EPN1: variants seen among roughly 807,000 people sequenced by gnomAD.
EPN1 encodes epsin-1.
Under a neutral mutation model 56.9 loss-of-function variants are expected in EPN1, and 25 were observed. The ratio of observed to expected loss-of-function variants is 0.44; its 90% CI spans 0.32 to 0.61. The LOEUF (loss-of-function observed/expected upper bound fraction) is 0.61. EPN1 is among the 20% of genes least tolerant of loss of function. EPN1 has a pLI of 0.05. For synonymous variants in EPN1, 411 were observed against 361.8 expected, an observed-to-expected ratio of 1.14 and a Z score of -1.54; for missense variants, 785 against 823.7, an observed-to-expected ratio of 0.95 and a Z score of 0.58.
intron 2 of EPN1, among the ~76,000 whole-genome samples, chr19:55,679,183 A>G (rs1047859519): frequency 2.6e-5 from 4 of 152,062 alleles, no homozygotes; most frequent in Non-Finnish European, 5.9e-5. Context: ...TCTGGGCCCC[A>G]TCTATGAATG....
At position 55,692,696 on chromosome 19, in the gene EPN1, G is replaced by A. The variant is rs776850200; in HGVS notation, c.1077G>A (p.Pro359=). 23 of 1,544,842 alleles carry A rather than the reference G, an allele frequency of 1.5e-5. No individual in the cohort carries two copies. The highest frequency in any genetic ancestry group is 1.2e-4 in the East Asian group (5 of 41,118). Residue 359 remains proline, a synonymous_variant, in exon 8 of 11, where the codon CCG becomes CCA. Transcript: ENST00000270460. ...DPWGSSDGGV[P]VSGPSASDPW... is the part of the protein sequence containing the mutation. ...TCTGTCCTCACCCAGGTGGGGTCCCGGTCAGTGGGCCCTCAGCCTCCGATC... is the reference window on the plus strand; with the variant it reads ...TCTGTCCTCACCCAGGTGGGGTCCCAGTCAGTGGGCCCTCAGCCTCCGATC...
intron 1 of EPN1, chr19:55,677,426 CG>C: frequency 1.5e-6 from 1 of 675,786 alleles, no homozygotes; most frequent in South Asian, 1.9e-5. Context: ...TCACCAGTCT[CG>C]GGATGGGTTA....
intron 3 of EPN1, among the ~76,000 whole-genome samples, chr19:55,686,324 G>A (rs375527424): frequency 1.3e-5 from 2 of 152,234 alleles, no homozygotes; most frequent in South Asian, 2.1e-4. Flanking sequence ...CCGTGAAGAG[G>A]CTAGTCCGGC....
At position 55,698,342 on chromosome 19, in the gene EPN1, C is replaced by T. The variant is rs1197136608; in HGVS notation, c.*2986C>T. 1 of 152,208 alleles carries T rather than the reference C, an allele frequency of 6.6e-6. No individual in the cohort carries two copies. The highest frequency in any genetic ancestry group is 1.5e-5 in the Non-Finnish European group (1 of 68,142). The allele number at this position is 152,208 out of a possible 1,614,324, so 9.4% of individuals were successfully genotyped here. A position where few individuals can be genotyped will look rare whatever the true frequency, so the allele number is the denominator to read the frequency against. On this transcript the variant is annotated 3_prime_UTR_variant, in exon 11 of 11. Coordinates refer to ENST00000270460, the MANE Select transcript of EPN1 (RefSeq NM_001130072.2). ...AGTGGAAAAAACCCCAGAATTTCTC[C>T]CTGGGACAGGTGAAGCGATGGGGCG...
intron 2 of EPN1, among the ~76,000 whole-genome samples, chr19:55,681,514 G>T (rs1279391864): frequency 2.0e-5 from 3 of 152,208 alleles, no homozygotes; most frequent in Non-Finnish European, 2.9e-5. Flanking sequence ...CCCACTCACA[G>T]CCTGTGTTTG....
intron 3 of EPN1, among the ~76,000 whole-genome samples, chr19:55,687,009 G>A (rs963625770): frequency 2.0e-5 from 3 of 152,114 alleles, no homozygotes; most frequent in South Asian, 2.1e-4. Flanking sequence ...GGCCCCGTCC[G>A]CTGGCGGTTG....
At chr19:55,683,216 T>C (rs532006160) in intron 2 of EPN1, among the ~76,000 whole-genome samples, 2 of 151,466 alleles carry the variant, frequency 1.3e-5, no homozygotes, top group East Asian at 3.9e-4. Flanking sequence ...CCACAATGCC[T>C]GGCTAATTTT....
chr19:55,694,992 G>A lies in EPN1; in HGVS notation c.1522+9G>A. The A allele has an allele frequency of 6.4e-7, 1 of 1,558,046 alleles. No individual in the cohort carries two copies. The highest frequency in any genetic ancestry group is 8.7e-7 in the Non-Finnish European group (1 of 1,152,940). On this transcript the variant is annotated intron_variant, in intron 10 of 10. Coordinates refer to ENST00000270460, the MANE Select transcript of EPN1 (RefSeq NM_001130072.2). The surrounding 1 kb of genome is among the most constrained non-coding windows in gnomAD (Gnocchi z 4.2). ...CCCCTTCCTGCCAGGCGGTGAGTGTGGGCCCATCACCTGCTCAAGTCCTTC... is the reference window on the plus strand; with the variant it reads ...CCCCTTCCTGCCAGGCGGTGAGTGTAGGCCCATCACCTGCTCAAGTCCTTC...
At chr19:55,692,455 C>T (rs1056904785) in intron 7 of EPN1, among the ~76,000 whole-genome samples, 3 of 151,456 alleles carry the variant, frequency 2.0e-5, no homozygotes, top group African/African-American at 4.9e-5. Context: ...CTGGGCAGGT[C>T]TGGCAGAGGC....
chr19:55,689,355 G>C lies in EPN1; in HGVS notation c.662G>C (p.Arg221Pro). The change falls in exon 5 of 11, where the codon CGA becomes CCA. Residue 221 changes from arginine (R) to proline (P), a missense_variant. This residue lies in a region of EPN1 where 650 missense variants were observed against 605.0 expected (regional missense o/e 1.07). Transcript: ENST00000270460. The surrounding 1 kb of genome is among the most constrained non-coding windows in gnomAD (Gnocchi z 5.7). ...AQLQLALSLS[R>P]EEHDKEERIR... The stretch of plus-strand genomic sequence containing the variant: ...CTCCAGCTGGCCCTTAGTTTGAGCC[G>C]AGAAGAGCATGATAAGGTCAGAGCA... The C allele has an allele frequency of 6.4e-7, 1 of 1,551,810 alleles. No individual in the cohort carries two copies. Among genetic ancestry groups the C allele is most frequent in the Non-Finnish European group, 8.7e-7 (1 of 1,146,974 alleles).
chr19:55,677,796 C>T lies in EPN1; in HGVS notation c.-101-731C>T, dbSNP rs568593622. On this transcript the variant is annotated intron_variant, in intron 1 of 10. Coordinates refer to ENST00000270460, the MANE Select transcript of EPN1 (RefSeq NM_001130072.2). ...TCATCAGCCTTCTTTCCCATGTGTC[C>T]TTGTTTCTGCTGTGGATTCCTGCCC... is the stretch of plus-strand genomic sequence containing the variant. The T allele has an allele frequency of 2.1e-6, 3 of 1,439,948 alleles. No individual in the cohort carries two copies. In the East Asian group the frequency reaches 7.9e-5, roughly 38 times the overall value. 89.2% of individuals were successfully genotyped at this position (1,439,948 alleles called of 1,614,324 possible).
intron 2 of EPN1, among the ~76,000 whole-genome samples, chr19:55,682,308 A>C (rs1985868903): frequency 6.6e-6 from 1 of 152,338 alleles, no homozygotes; most frequent in South Asian, 2.1e-4. Context: ...TCTGTCTGCC[A>C]AGACTGTTCT....
Position 55,689,859 on chromosome 19 carries a change from C to T in EPN1, c.679-8C>T, listed in dbSNP as rs1330556508. The T allele has an allele frequency of 6.3e-7, 1 of 1,597,052 alleles. No homozygotes were observed. Among genetic ancestry groups the T allele is most frequent in the Non-Finnish European group, 8.5e-7 (1 of 1,172,356 alleles). On this transcript the variant is annotated splice_region_variant and splice_polypyrimidine_tract_variant and intron_variant, in intron 5 of 10. Coordinates refer to ENST00000270460, the MANE Select transcript of EPN1 (RefSeq NM_001130072.2). The surrounding 1 kb of genome is among the most constrained non-coding windows in gnomAD (Gnocchi z 5.7). ...CATGTCTCCCTGGTCGTGCCCGTGC[C>T]CCAACAGGAGGAGCGGATCCGTCGC...
intron 2 of EPN1, chr19:55,680,919 A>T (rs976528754): frequency 3.3e-5 from 5 of 152,568 alleles, no homozygotes; most frequent in African/African-American, 9.6e-5. Context: ...CCTTCGCCAC[A>T]TGGTCTCATC....
intron 3 of EPN1, 121 bp from the exon 4 acceptor site, chr19:55,688,749 T>G: frequency 3.6e-6 from 5 of 1,402,268 alleles, no homozygotes; most frequent in Non-Finnish European, 4.8e-6. Context: ...CTGCAGAGGT[T>G]GTAGGGTGGG....
chr19:55,687,781 C>A (rs1185420648), intron 3 of EPN1, among the ~76,000 whole-genome samples: 1 of 152,180 alleles, frequency 6.6e-6, no homozygotes, highest in Admixed American at 6.5e-5. Context: ...CCCTTCGGCC[C>A]CGCTCTGCCA....
At position 55,709,206 on chromosome 19, in the gene EPN1, G is replaced by C; in HGVS notation, c.*13850G>C. The C allele has an allele frequency of 2.1e-6, 1 of 480,950 alleles. No homozygotes were observed. Among genetic ancestry groups the C allele is most frequent in the Non-Finnish European group, 3.5e-6 (1 of 281,912 alleles). The allele number at this position is 480,950 out of a possible 1,614,324, so 29.8% of individuals were successfully genotyped here. On this transcript the variant is annotated 3_prime_UTR_variant, in exon 11 of 11. Transcript: ENST00000270460. ...AAAACAAGCATGAATCTTTCCTATA[G>C]GATAGGAAGCCTCTGATTTATACCA...
Position 55,689,375 on chromosome 19 carries a change from A to C in EPN1, c.678+4A>C. On this transcript the variant is annotated splice_donor_region_variant and intron_variant, in intron 5 of 10. Transcript: ENST00000270460. The surrounding 1 kb of genome is among the most constrained non-coding windows in gnomAD (Gnocchi z 5.7). ...GAGCCGAGAAGAGCATGATAAGGTC[A>C]GAGCAGCCTCCCTGTCCCTGCCCCT... The C allele has an allele frequency of 6.4e-7, 1 of 1,551,318 alleles. No homozygotes were observed. Among genetic ancestry groups the C allele is most frequent in the Non-Finnish European group, 8.7e-7 (1 of 1,146,680 alleles).
rs376380755 is a variant in EPN1, at chr19:55,689,627, C to T, written c.679-240C>T. On this transcript the variant is annotated intron_variant, in intron 5 of 10. Transcript: ENST00000270460. This position sits in a 1 kb window ranked among gnomAD's most constrained non-coding sequence, Gnocchi z 5.7. ...CTCCCCCCAACGCAGGAGATACCAC[C>T]GAGGCGGGTGCCCGTCCTCCCCGGG... Among the ~76,000 whole-genome samples, 4 of 152,206 alleles carry T rather than the reference C, an allele frequency of 2.6e-5. No homozygotes were observed. The highest frequency in any genetic ancestry group is 1.3e-4 in the Admixed American group (2 of 15,284).
Sources: allele counts gnomAD v4.1 joint callset (sites outside exome capture counted in the v4.1 genomes callset), GRCh38; gene constraint gnomAD v4.1.1; regional missense constraint gnomAD v4.1.1; non-coding constraint Gnocchi (gnomAD v3.1); transcripts MANE v1.5; gene names NCBI Gene and HGNC (gene_info 2026-07-23, HGNC 2026-07-21).